HGD: variants seen among roughly 807,000 people sequenced by gnomAD.
HGD encodes the protein homogentisate oxidase.
A neutral mutation model predicts 60.8 loss-of-function variants in HGD; 61 were observed. The ratio of observed to expected loss-of-function variants is 1.00; its 90% confidence interval spans 0.82 to 1.24. HGD has a LOEUF of 1.24. Among genes scored for constraint, HGD ranks in the 50% most tolerant of loss-of-function variants. HGD has a pLI of 0.00. For missense variants in HGD, 542 were observed against 547.1 expected (o/e 0.99, Z 0.09); for synonymous variants, 212 against 187.7 (o/e 1.13, Z -1.06).
intron 4 of HGD, among the ~76,000 whole-genome samples, chr3:120,668,635 G>C (rs1707954745): frequency 6.6e-6 from 1 of 152,070 alleles, no homozygotes; most frequent in Non-Finnish European, 1.5e-5. Context: ...TGTAAATTCA[G>C]GTAAATATAA....
chr3:120,630,831 TAC>T (rs1232070414), intron 13 of HGD, among the ~76,000 whole-genome samples: 39 of 77,030 alleles, frequency 5.1e-4, no homozygotes, highest in Admixed American at 7.8e-4. Flanking sequence ...TATATACACA[TAC>T]ACACACACAT....
At chr3:120,629,921 G>A (rs1250113195) in intron 13 of HGD, among the ~76,000 whole-genome samples, 1 of 152,116 alleles carries the variant, frequency 6.6e-6, no homozygotes. Flanking sequence ...ACAACTTTCA[G>A]CAAAGTTCAT....
chr3:120,652,553 A>C, intron 5 of HGD, 39 bp downstream of exon 5: 2 of 1,457,982 alleles, frequency 1.4e-6, no homozygotes, highest in Non-Finnish European at 9.6e-7. Context: ...CACAGAAGAG[A>C]GGAGAGCAGT....
intron 4 of HGD, among the ~76,000 whole-genome samples, chr3:120,664,619 C>T (rs1707857985): frequency 6.6e-6 from 1 of 151,132 alleles, no homozygotes. Flanking sequence ...TGTGTAGAGC[C>T]AGGGTCTTGC....
At chr3:120,636,088 T>C (rs1490050203) in intron 12 of HGD, among the ~76,000 whole-genome samples, 1 of 131,410 alleles carries the variant, frequency 7.6e-6, no homozygotes, top group Non-Finnish European at 1.6e-5. Flanking sequence ...CTGGGCAACA[T>C]GGCAAGACCC....
chr3:120,661,327 C>T (rs138273450), intron 4 of HGD, among the ~76,000 whole-genome samples: 2,947 of 152,314 alleles, frequency 0.019, 85 homozygotes, highest in African/African-American at 0.067. Flanking sequence ...TCCTGGGACA[C>T]TAACCCTGCT....
intron 4 of HGD, among the ~76,000 whole-genome samples, chr3:120,656,223 ACT>A (rs2107526975): frequency 6.6e-6 from 1 of 152,034 alleles, no homozygotes; most frequent in East Asian, 1.9e-4. Context: ...TCGGACTTGG[ACT>A]CTCAGTTTTC....
chr3:120,632,107 G>A (rs1368937881), intron 13 of HGD, among the ~76,000 whole-genome samples: 1 of 152,242 alleles, frequency 6.6e-6, no homozygotes, highest in Middle Eastern at 3.4e-3. Context: ...CCCTTGAAAG[G>A]GGAAATAGAG....
At chr3:120,669,191 G>T (rs1364797757) in intron 4 of HGD, among the ~76,000 whole-genome samples, 1 of 151,920 alleles carries the variant, frequency 6.6e-6, no homozygotes, top group Non-Finnish European at 1.5e-5. Context: ...CCCTATGCCA[G>T]ATTTCAAAGG....
intron 4 of HGD, among the ~76,000 whole-genome samples, chr3:120,666,889 A>G (rs1395264441): frequency 2.0e-5 from 3 of 152,188 alleles, no homozygotes; most frequent in Non-Finnish European, 4.4e-5. Flanking sequence ...GTCAAAATGT[A>G]TGTCAACTAT....
In HGD at chr3:120,646,866, C is replaced by T. The variant is rs2551630; in HGVS notation, c.549+107G>A. 7.3e-3 allele frequency: 6,804 copies of T among 937,824 alleles called. 34 individuals are homozygous for T. Among genetic ancestry groups the T allele is most frequent in the Non-Finnish European group, 0.01 (5,835 of 565,150 alleles). The allele number at this position is 937,824 out of a possible 1,614,324, so 58.1% of individuals were successfully genotyped here. A position where few individuals can be genotyped will look rare whatever the true frequency, so the allele number is the denominator to read the frequency against. On this transcript the variant is annotated intron_variant, in intron 8 of 13. Coordinates refer to ENST00000283871, the MANE Select transcript of HGD (RefSeq NM_000187.4). ...CATAACTCAGATTCCCTCCTCGTTG[C>T]CCAGACATGACAGAGAAATTTTAGA...
chr3:120,647,150 C>T (rs1576296507), intron 7 of HGD, 98 bp from the exon 8 acceptor site: 2 of 905,582 alleles, frequency 2.2e-6, no homozygotes, highest in East Asian at 4.9e-5. Flanking sequence ...TTTTCCATTC[C>T]AAATGCAAAG....
chr3:120,675,546 TG>T, intron 2 of HGD, among the ~76,000 whole-genome samples: 1 of 152,158 alleles, frequency 6.6e-6, no homozygotes, highest in Non-Finnish European at 1.5e-5. Context: ...TCTGGATTTT[TG>T]GGGATCCTAC....
chr3:120,673,524 ATG>A (rs1708065983), intron 3 of HGD, among the ~76,000 whole-genome samples: 1 of 150,400 alleles, frequency 6.6e-6, no homozygotes, highest in Admixed American at 6.6e-5. Flanking sequence ...AGAGAGAGAG[ATG>A]ATTAAATAGT....
At chr3:120,670,562 G>C in intron 3 of HGD, 30 bp from the exon 4 acceptor site, 1 of 1,228,040 alleles carries the variant, frequency 8.1e-7, no homozygotes, top group Non-Finnish European at 1.2e-6. Flanking sequence ...AGATATACAA[G>C]CCTTAGAGTA....
chr3:120,675,099 C>T, intron 2 of HGD, 110 bp from the exon 3 acceptor site: 1 of 737,128 alleles, frequency 1.4e-6, no homozygotes, highest in Non-Finnish European at 2.5e-6. Flanking sequence ...CTGCACATGA[C>T]CATCTGCAAC....
chr3:120,670,352 C>G, intron 4 of HGD, 75 bp downstream of exon 4: 1 of 803,886 alleles, frequency 1.2e-6, no homozygotes, highest in Non-Finnish European at 2.3e-6. Context: ...TTCCAATGAC[C>G]ATGGTATTCT....
intron 4 of HGD, among the ~76,000 whole-genome samples, chr3:120,656,957 G>A (rs1012106281): frequency 3.3e-5 from 5 of 152,122 alleles, no homozygotes; most frequent in East Asian, 1.9e-4. Flanking sequence ...GTGTAAAATC[G>A]TCACTTCCAT....
chr3:120,663,859 C>T (rs553958631), intron 4 of HGD, among the ~76,000 whole-genome samples: 32 of 151,630 alleles, frequency 2.1e-4, no homozygotes, highest in African/African-American at 4.1e-4. Context: ...TGGAAAAAGG[C>T]GCAAAATATG....
Sources: gnomAD v4.1 joint callset for allele counts (sites outside exome capture counted in the v4.1 genomes callset) on GRCh38, gnomAD v4.1.1 for gene constraint, MANE v1.5 for transcripts, NCBI Gene and HGNC (gene_info 2026-07-23, HGNC 2026-07-21) for gene names.